CFAP161: variants seen among roughly 807,000 people sequenced by gnomAD.
CFAP161 encodes cilia- and flagella-associated protein 161.
CFAP161 carries 25 observed loss-of-function variants against 29.0 expected under a neutral mutation model. That is an observed-to-expected ratio of 0.86 (90% confidence interval 0.63 to 1.20). CFAP161 has a LOEUF of 1.20. Ranked by LOEUF, CFAP161 falls within the 50% of genes most tolerant of loss-of-function variation. The pLI, the probability that CFAP161 is intolerant of heterozygous loss-of-function variation, is 0.00. For missense variants in CFAP161, 367 were observed against 371.9 expected (o/e 0.99, Z 0.11); for synonymous variants, 116 against 137.4 (o/e 0.84, Z 1.09).
intron 1 of CFAP161, among the ~76,000 whole-genome samples, chr15:81,105,138 CCCCTCCCTCCCTCCCTCCCTCCCTT>C (rs1894349981): frequency 3.9e-5 from 1 of 25,882 alleles, no homozygotes; most frequent in Non-Finnish European, 8.1e-5. Context: ...TCTCCCCCCT[CCCCTCCCTCCCTCCCTCCCTCCCTT>C]CCTTCCTCCC....
intron 4 of CFAP161, 34 bp from the exon 5 acceptor site, chr15:81,143,628 C>G (rs760409824): frequency 6.3e-7 from 1 of 1,592,936 alleles, no homozygotes; most frequent in African/African-American, 1.3e-5. Context: ...TCACAGAGCT[C>G]TGACTTAGTG....
intron 1 of CFAP161, among the ~76,000 whole-genome samples, chr15:81,114,763 A>G (rs972398192): frequency 3.5e-4 from 54 of 152,204 alleles, no homozygotes; most frequent in African/African-American, 1.2e-3. Context: ...TCCCGGGTTC[A>G]CGTCATTCTC....
At chr15:81,139,785 A>G (rs1037033372) in intron 4 of CFAP161, among the ~76,000 whole-genome samples, 1 of 152,190 alleles carries the variant, frequency 6.6e-6, no homozygotes, top group Non-Finnish European at 1.5e-5. Context: ...ACTAAGTCAA[A>G]GAATATGAAC....
intron 1 of CFAP161, among the ~76,000 whole-genome samples, chr15:81,116,258 G>A (rs1212991087): frequency 6.6e-6 from 1 of 152,096 alleles, no homozygotes; most frequent in African/African-American, 2.4e-5. Flanking sequence ...GTCTCATTAT[G>A]TTATGGAGTC....
intron 3 of CFAP161, among the ~76,000 whole-genome samples, chr15:81,137,356 AAGTCAAGGC>A (rs1894828380): frequency 6.6e-6 from 1 of 152,188 alleles, no homozygotes; most frequent in African/African-American, 2.4e-5. Context: ...ATACTTTGGG[AAGTCAAGGC>A]AGGCAGATCA....
chr15:81,143,834 C>A lies in CFAP161; in HGVS notation c.636+14C>A, dbSNP rs376758712. Reference sequence around the variant, plus strand: ...TTCCCCGTCCCGGTGAGTGCAGCATCGGGAAGACATGGGTGTCTAGGCTAT... The same window carrying A: ...TTCCCCGTCCCGGTGAGTGCAGCATAGGGAAGACATGGGTGTCTAGGCTAT... On this transcript the variant is annotated intron_variant, in intron 5 of 6. Transcript: ENST00000286732. The A allele has an allele frequency of 7.5e-6, 12 of 1,609,082 alleles. No homozygotes were observed. The highest frequency in any genetic ancestry group is 1.3e-5 in the African/African-American group (1 of 74,944).
In CFAP161 at chr15:81,126,346, A is replaced by AT. The variant is rs956467773; in HGVS notation, c.-141-1235dup. Among the ~76,000 whole-genome samples, 11 of 151,040 alleles carry AT rather than the reference A, an allele frequency of 7.3e-5. No individual in the cohort carries two copies. The South Asian group carries it at 8.4e-4, about 11-fold the overall frequency. ...GATTTTGAAAAACTTCCTTCATCTT[A>AT]TTTTTTTTTAGCTTCAAGTGAGTTC... On this transcript the variant is annotated intron_variant, in intron 1 of 4. Coordinates refer to the CFAP161 transcript ENST00000560091.
At chr15:81,139,128 C>T (rs1894861988) in intron 4 of CFAP161, among the ~76,000 whole-genome samples, 1 of 151,904 alleles carries the variant, frequency 6.6e-6, no homozygotes, top group African/African-American at 2.4e-5. Flanking sequence ...ATAGCGAGAC[C>T]TCATCTCAAC....
chr15:81,145,380 G>A (rs980097749), intron 5 of CFAP161, among the ~76,000 whole-genome samples: 3 of 152,170 alleles, frequency 2.0e-5, no homozygotes, highest in Non-Finnish European at 4.4e-5. Context: ...ATCTAAATTT[G>A]GGGTGTTAAT....
rs138740671 is a variant in CFAP161 at position 81,119,883 on chromosome 15, C to T, written c.-141-7707C>T. On this transcript the variant is annotated intron_variant, in intron 1 of 4. Transcript: ENST00000560091. ...CCAGCCTGGGCAACACAGCAAGATC[C>T]TGTCTTTAAAAAAAAATTAAAAAAA... 9.0e-3 allele frequency among the ~76,000 whole-genome samples: 1,342 copies of T among 149,048 alleles called. 20 individuals are homozygous for T. Among genetic ancestry groups the T allele is most frequent in the African/African-American group, 0.032 (1,289 of 40,678 alleles).
At position 81,136,638 on chromosome 15, in the gene CFAP161, G is replaced by GA. The variant is rs1254585138; in HGVS notation, c.283dup (p.Thr95AsnfsTer4). 7 of 1,614,142 alleles carry GA rather than the reference G, an allele frequency of 4.3e-6. No homozygotes were observed. The East Asian group carries it at 1.3e-4, about 31-fold the overall frequency. ...TGCGTGGGGACCTGAGCCTGTGTAT[G>GA]ACTCCAGATGAAATTCAGTCCCATC... On this transcript the variant is annotated frameshift_variant, in exon 3 of 7. Coordinates refer to ENST00000286732, the MANE Select transcript of CFAP161 (RefSeq NM_173528.4). LOFTEE classifies it high-confidence loss of function.
chr15:81,107,134 C>G (rs1894382239), intron 1 of CFAP161, among the ~76,000 whole-genome samples: 1 of 152,156 alleles, frequency 6.6e-6, no homozygotes, highest in African/African-American at 2.4e-5. Context: ...AATGAGGTGC[C>G]TGGAGGAATT....
At chr15:81,131,648 G>GA (rs1365448239), upstream of CFAP161, among the ~76,000 whole-genome samples, 3 of 152,050 alleles carry the variant, frequency 2.0e-5, no homozygotes, top group African/African-American at 4.8e-5. Context: ...AGAACAGAGA[G>GA]AAAAAAATGA....
At chr15:81,105,092 C>CCCTCCCCCCCTCCCTCCCTT (rs1894345317) in intron 1 of CFAP161, among the ~76,000 whole-genome samples, 1 of 53,452 alleles carries the variant, frequency 1.9e-5, no homozygotes, top group Non-Finnish European at 3.6e-5. Context: ...CTTTTCTTTT[C>CCCTCCCCCCCTCCCTCCCTT]CCTCCCTCCC....
chr15:81,115,855 T>G lies in CFAP161; in HGVS notation c.-141-11735T>G, dbSNP rs561892698. Reference sequence around the variant, plus strand: ...CACTGTGCCTAGCTAATTAATTTTTTTTTTTTTTTTTTAACAGAGACAGGG... The same window carrying G: ...CACTGTGCCTAGCTAATTAATTTTTGTTTTTTTTTTTTAACAGAGACAGGG... On this transcript the variant is annotated intron_variant, in intron 1 of 4. Coordinates refer to the CFAP161 transcript ENST00000560091. Among the ~76,000 whole-genome samples the G allele has an allele frequency of 1.8e-3, 276 of 151,622 alleles. 1 individual carries two copies. The highest frequency in any genetic ancestry group is 3.4e-3 in the Middle Eastern group (1 of 294).
intron 5 of CFAP161, among the ~76,000 whole-genome samples, chr15:81,144,047 C>T (rs572994347): frequency 6.6e-6 from 1 of 152,102 alleles, no homozygotes; most frequent in African/African-American, 2.4e-5. Context: ...ACTTATAGCT[C>T]AAATGCCTTA....
At chr15:81,103,614 C>A (rs1416855115) in intron 1 of CFAP161, among the ~76,000 whole-genome samples, 3 of 152,202 alleles carry the variant, frequency 2.0e-5, no homozygotes, top group African/African-American at 7.2e-5. Context: ...CCCCATAGCT[C>A]GCCATATGCA....
In CFAP161 at chr15:81,143,574, G is replaced by A. The variant is rs1894950709; in HGVS notation, c.478-88G>A. On this transcript the variant is annotated intron_variant, in intron 4 of 6. Coordinates refer to ENST00000286732, the MANE Select transcript of CFAP161 (RefSeq NM_173528.4). ...AGTTTTTGAGAACTGCTTTGAATGT[G>A]CTTGCCGTCCAGCCAGTCAATTGCT... 3.6e-6 allele frequency: 5 copies of A among 1,399,196 alleles called. No individual in the cohort carries two copies. In the African/African-American group the frequency reaches 4.3e-5, roughly 12 times the overall value. The allele number at this position is 1,399,196 out of a possible 1,614,324, so 86.7% of individuals were successfully genotyped here. A position where few individuals can be genotyped will look rare whatever the true frequency, so the allele number is the denominator to read the frequency against.
At chr15:81,147,166 C>A (rs763457003) in intron 5 of CFAP161, among the ~76,000 whole-genome samples, 3 of 151,932 alleles carry the variant, frequency 2.0e-5, no homozygotes, top group Non-Finnish European at 4.4e-5. Context: ...CCTCTACCGC[C>A]CTCTCACATG....
Sources: gnomAD v4.1 joint callset for allele counts (sites outside exome capture counted in the v4.1 genomes callset) on GRCh38, gnomAD v4.1.1 for gene constraint, MANE v1.5 for transcripts, NCBI Gene and HGNC (gene_info 2026-07-23, HGNC 2026-07-21) for gene names.